The following SOCS4 variants were observed in gnomAD, a reference collection of about 807,000 sequenced individuals.
The protein encoded by SOCS4 is suppressor of cytokine signaling 4, also known as SH2 domain containing SOCS box protein.
In SOCS4, 20 loss-of-function variants were observed where a neutral mutation model predicts 34.1. That is an observed-to-expected ratio of 0.59 (90% CI 0.41 to 0.85). The LOEUF (loss-of-function observed/expected upper bound fraction) is 0.85. Among genes scored for constraint, SOCS4 ranks in the 40% least tolerant of loss-of-function variants. The pLI, the probability that SOCS4 is intolerant of heterozygous loss-of-function variation, is 0.00. For synonymous variants in SOCS4, 180 were observed against 186.4 expected (o/e 0.97, Z 0.28); for missense variants, 479 against 532.4 (o/e 0.90, Z 0.99).
In SOCS4 at chr14:55,043,140, T is replaced by C; in HGVS notation, c.99T>C (p.Ser33=). 1 of 1,613,922 alleles carries C rather than the reference T, an allele frequency of 6.2e-7. No homozygotes were observed. The highest frequency in any genetic ancestry group is 8.5e-7 in the Non-Finnish European group (1 of 1,179,994). Residue 33 remains serine, a synonymous_variant, in exon 3 of 3, where the codon AGT becomes AGC. Transcript: ENST00000555846. ...SADRKDGYVW[S]GKKLSWSKKS... is the part of the protein sequence containing the mutation. ...ACAGAAAAGACGGTTATGTGTGGAG[T>C]GGAAAGAAGTTATCTTGGTCAAAAA... is the stretch of plus-strand genomic sequence containing the variant.
At chr14:55,036,561 C>A (rs983889030) in intron 2 of SOCS4, among the ~76,000 whole-genome samples, 15 of 152,192 alleles carry the variant, frequency 9.9e-5, no homozygotes, top group African/African-American at 3.6e-4. Context: ...CCAGGCTGGT[C>A]TAGAACTCCT....
intron 1 of SOCS4, among the ~76,000 whole-genome samples, chr14:55,031,278 C>CCTA (rs757845061): frequency 6.6e-6 from 1 of 152,132 alleles, no homozygotes; most frequent in Non-Finnish European, 1.5e-5. Flanking sequence ...GTGATGGGTT[C>CCTA]CTAGACCTCT....
At chr14:55,037,631 T>C (rs576968594) in intron 2 of SOCS4, among the ~76,000 whole-genome samples, 3 of 151,756 alleles carry the variant, frequency 2.0e-5, no homozygotes, top group African/African-American at 7.3e-5. Context: ...GTAGCTGGGA[T>C]TACAGGCGCC....
intron 2 of SOCS4, among the ~76,000 whole-genome samples, chr14:55,040,026 TA>T (rs1187620519): frequency 1.3e-4 from 20 of 152,350 alleles, no homozygotes; most frequent in African/African-American, 4.1e-4. Context: ...GAAGTTCATT[TA>T]GTAAATAAAA....
At chr14:55,028,413 T>C (rs1422914904) in intron 1 of SOCS4, among the ~76,000 whole-genome samples, 4 of 151,938 alleles carry the variant, frequency 2.6e-5, no homozygotes, top group African/African-American at 9.7e-5. Flanking sequence ...CTGAGTGACC[T>C]AATTTTTTTT....
At chr14:55,030,981 A>G (rs887961643) in intron 1 of SOCS4, among the ~76,000 whole-genome samples, 3 of 152,146 alleles carry the variant, frequency 2.0e-5, no homozygotes, top group Admixed American at 6.5e-5. Flanking sequence ...AAATGTCAAA[A>G]TTGCTTGCTT....
rs995118654 is a variant in SOCS4 at position 55,047,977 on chromosome 14, A to C, written c.*3613A>C. 6.0e-6 allele frequency: 1 copy of C among 166,670 alleles called. No individual in the cohort carries two copies. The highest frequency in any genetic ancestry group is 2.4e-5 in the African/African-American group (1 of 41,452). The allele number at this position is 166,670 out of a possible 1,614,324, so 10.3% of individuals were successfully genotyped here. On this transcript the variant is annotated 3_prime_UTR_variant, in exon 3 of 3. Coordinates refer to ENST00000555846, the MANE Select transcript of SOCS4 (RefSeq NM_199421.2). The stretch of plus-strand genomic sequence containing the variant: ...CTGTTGTCAGCCCAGGCTGGAGTGC[A>C]ATGGCGCAATCTCGGTTCACTGCAA...
In SOCS4 at chr14:55,047,942, CAGAGTCTCGCT is replaced by C. The variant is rs2042691519; in HGVS notation, c.*3579_*3589del. ...CCTTGAGATCTCTTTTTTTTTGAGA[CAGAGTCTCGCT>C]GTTGTCAGCCCAGGCTGGAGTGCAA... On this transcript the variant is annotated 3_prime_UTR_variant, in exon 3 of 3. Transcript: ENST00000555846. 1 of 166,854 alleles carries C rather than the reference CAGAGTCTCGCT, an allele frequency of 6.0e-6. No homozygotes were observed. Among genetic ancestry groups the C allele is most frequent in the Admixed American group, 6.5e-5 (1 of 15,284 alleles). The allele number at this position is 166,854 out of a possible 1,614,324, so 10.3% of individuals were successfully genotyped here. A position where few individuals can be genotyped will look rare whatever the true frequency, so the allele number is the denominator to read the frequency against.
rs2042472879 is a variant in SOCS4 at position 55,027,449 on chromosome 14, CCA to C, written c.-241_-240del. On this transcript the variant is annotated 5_prime_UTR_variant, in exon 1 of 3. It introduces an in-frame stop codon into an upstream open reading frame of the 5' UTR. Coordinates refer to ENST00000555846, the MANE Select transcript of SOCS4 (RefSeq NM_199421.2). ...GATGGCAGCAGTTACTCGCACAACCCCAGTTAAGCTGCGCTCCGGGAGGTGAG... is the reference window on the plus strand; with the variant it reads ...GATGGCAGCAGTTACTCGCACAACCCGTTAAGCTGCGCTCCGGGAGGTGAG... 1 of 153,380 alleles carries C rather than the reference CCA, an allele frequency of 6.5e-6. No homozygotes were observed. Among genetic ancestry groups the C allele is most frequent in the Admixed American group, 6.5e-5 (1 of 15,336 alleles). 9.5% of individuals were successfully genotyped at this position (153,380 alleles called of 1,614,324 possible).
intron 2 of SOCS4, among the ~76,000 whole-genome samples, chr14:55,037,179 CT>C (rs2042579911): frequency 6.7e-6 from 1 of 149,476 alleles, no homozygotes; most frequent in African/African-American, 2.5e-5. Context: ...GAGTCTCACT[CT>C]GTCGCCCAGG....
chr14:55,028,538 CTA>C (rs1279501775), intron 1 of SOCS4, among the ~76,000 whole-genome samples: 1 of 151,918 alleles, frequency 6.6e-6, no homozygotes, highest in African/African-American at 2.4e-5. Flanking sequence ...ATATTCGTCT[CTA>C]TGTTGAATAA....
rs1202580657 is a variant in SOCS4, at chr14:55,046,220, A to G, written c.*1856A>G. The G allele has an allele frequency of 6.0e-6, 1 of 166,862 alleles. No individual in the cohort carries two copies. Among genetic ancestry groups the G allele is most frequent in the African/African-American group, 2.4e-5 (1 of 41,438 alleles). The allele number at this position is 166,862 out of a possible 1,614,324, so 10.3% of individuals were successfully genotyped here. A position where few individuals can be genotyped will look rare whatever the true frequency, so the allele number is the denominator to read the frequency against. On this transcript the variant is annotated 3_prime_UTR_variant, in exon 3 of 3. Coordinates refer to ENST00000555846, the MANE Select transcript of SOCS4 (RefSeq NM_199421.2). ...AAAAGTCTCATACTACCTCATCTTT[A>G]TTGTGGCGCTTTTGTAGATCACTGA... is the stretch of plus-strand genomic sequence containing the variant.
rs2042638010 is a variant in SOCS4 at position 55,043,316 on chromosome 14, A to G, written c.275A>G (p.Lys92Arg). The part of the protein sequence containing the change: ...CGHRFLGRSL[K>R]QKLQDAVGQC... ...CATCGATTTTTAGGCCGATCTCTTA[A>G]ACAGAAACTGCAAGATGCCGTGGGG... is the stretch of plus-strand genomic sequence containing the variant. The change falls in exon 3 of 3, where the codon AAA becomes AGA. Residue 92 changes from lysine (K) to arginine (R), a missense_variant. By Grantham distance (26) the Lys-to-Arg change is conservative. Transcript: ENST00000555846. The G allele has an allele frequency of 6.2e-7, 1 of 1,614,238 alleles. No individual in the cohort carries two copies.
At chr14:55,034,660 C>T (rs1227321016) in intron 2 of SOCS4, among the ~76,000 whole-genome samples, 19 of 151,682 alleles carry the variant, frequency 1.3e-4, no homozygotes, top group Non-Finnish European at 2.9e-5. Flanking sequence ...GGTGAAACCC[C>T]GTCTCTACTA....
chr14:55,047,196 A>G lies in SOCS4; in HGVS notation c.*2832A>G, dbSNP rs1222139144. On this transcript the variant is annotated 3_prime_UTR_variant, in exon 3 of 3. Coordinates refer to ENST00000555846, the MANE Select transcript of SOCS4 (RefSeq NM_199421.2). The stretch of plus-strand genomic sequence containing the variant: ...GGAATTTAGGCATTACCTCAGGGAA[A>G]AGCCTTGACAGTGAAAAGAAACTAC... 2 of 167,096 alleles carry G rather than the reference A, an allele frequency of 1.2e-5. No individual in the cohort carries two copies. The highest frequency in any genetic ancestry group is 2.4e-5 in the African/African-American group (1 of 41,460). 10.4% of individuals were successfully genotyped at this position (167,096 alleles called of 1,614,324 possible). A position where few individuals can be genotyped will look rare whatever the true frequency, so the allele number is the denominator to read the frequency against.
rs761871028 is a variant in SOCS4, at chr14:55,044,240, G to A, written c.1199G>A (p.Cys400Tyr). The A allele has an allele frequency of 5.2e-5, 84 of 1,613,824 alleles. No individual in the cohort carries two copies. In the Admixed American group the frequency reaches 1.3e-3, roughly 26 times the overall value. Residue 400 changes from cysteine to tyrosine, a missense_variant, in exon 3 of 3, where the codon TGT becomes TAT. By Grantham distance (194) the Cys-to-Tyr change is radical. Transcript: ENST00000555846. ...ATATGCAGAACAGTTATTTGTAACT[G>A]TACAACTTATGATGGCATCGATGCC... ...QHICRTVICN[C>Y]TTYDGIDALP...
In SOCS4 at chr14:55,045,542, A is replaced by C. The variant is rs1051759379; in HGVS notation, c.*1178A>C. On this transcript the variant is annotated 3_prime_UTR_variant, in exon 3 of 3. Coordinates refer to ENST00000555846, the MANE Select transcript of SOCS4 (RefSeq NM_199421.2). ...AAAAAAAGAAAGCCTTTTGACAGCT[A>C]CATGACTTACACCATACAGAACAGT... 1 of 166,970 alleles carries C rather than the reference A, an allele frequency of 6.0e-6. No individual in the cohort carries two copies. Among genetic ancestry groups the C allele is most frequent in the South Asian group, 2.1e-4 (1 of 4,836 alleles). 10.3% of individuals were successfully genotyped at this position (166,970 alleles called of 1,614,324 possible).
rs2042703427 is a variant in SOCS4, at chr14:55,049,110, TAA to T, written c.*4749_*4750del. 1 of 166,820 alleles carries T rather than the reference TAA, an allele frequency of 6.0e-6. No individual in the cohort carries two copies. Among genetic ancestry groups the T allele is most frequent in the Admixed American group, 6.5e-5 (1 of 15,288 alleles). 10.3% of individuals were successfully genotyped at this position (166,820 alleles called of 1,614,324 possible). A position where few individuals can be genotyped will look rare whatever the true frequency, so the allele number is the denominator to read the frequency against. ...AAACTGATGTTTGCTTAACTTATTT[TAA>T]AAGTTGATTACGTTTTCAGAAAATA... On this transcript the variant is annotated 3_prime_UTR_variant, in exon 3 of 3. Coordinates refer to ENST00000555846, the MANE Select transcript of SOCS4 (RefSeq NM_199421.2).
intron 2 of SOCS4, among the ~76,000 whole-genome samples, chr14:55,035,068 C>T (rs1019568005): frequency 2.8e-4 from 42 of 152,184 alleles, no homozygotes; most frequent in Admixed American, 2.4e-3. Context: ...GCCATGTTGG[C>T]GAGGCTGGTC....
Sources: allele counts gnomAD v4.1 joint callset (sites outside exome capture counted in the v4.1 genomes callset), GRCh38; gene constraint gnomAD v4.1.1; transcripts MANE v1.5; gene names NCBI Gene and HGNC (gene_info 2026-07-23, HGNC 2026-07-21).